UNC5D: variants seen among roughly 807,000 people sequenced by gnomAD.
UNC5D encodes unc-5 netrin receptor D, also known as netrin receptor UNC5D.
Under a neutral mutation model 105.4 loss-of-function variants are expected in UNC5D, and 39 were observed. That is an observed-to-expected ratio of 0.37 (90% CI 0.29 to 0.48). UNC5D has a LOEUF of 0.48. UNC5D is among the 20% of genes least tolerant of loss of function. The pLI is 0.98. For synonymous variants in UNC5D, 452 were observed against 450.4 expected, an observed-to-expected ratio of 1.00 and a Z score of -0.04; for missense variants, 991 against 1,202.4, an observed-to-expected ratio of 0.82 and a Z score of 2.60.
intron 4 of UNC5D, among the ~76,000 whole-genome samples, chr8:35,639,218 G>T (rs367833070): frequency 6.6e-6 from 1 of 152,214 alleles, no homozygotes; most frequent in African/African-American, 2.4e-5. Context: ...AAGAGGGTGG[G>T]TAGCCCTATG....
intron 1 of UNC5D, among the ~76,000 whole-genome samples, chr8:35,266,066 A>G (rs753230247): frequency 6.6e-6 from 1 of 151,972 alleles, no homozygotes; most frequent in Admixed American, 6.6e-5. Context: ...TAACTTTTCA[A>G]TAGTAAAAAT....
chr8:35,665,384 G>A (rs899573280), intron 4 of UNC5D, among the ~76,000 whole-genome samples: 1 of 152,182 alleles, frequency 6.6e-6, no homozygotes, highest in African/African-American at 2.4e-5. Context: ...TCAAGGTTGA[G>A]TGTAAGCCCC....
intron 13 of UNC5D, among the ~76,000 whole-genome samples, chr8:35,756,572 A>G (rs997663727): frequency 1.3e-5 from 2 of 150,824 alleles, no homozygotes; most frequent in African/African-American, 4.9e-5. Context: ...AAAAAAGAAA[A>G]AAAGAAAGTC....
chr8:35,737,521 A>G (rs1829538320), intron 11 of UNC5D, among the ~76,000 whole-genome samples: 1 of 152,142 alleles, frequency 6.6e-6, no homozygotes, highest in African/African-American at 2.4e-5. Flanking sequence ...ATTAATAAAG[A>G]AGGAAAAAAG....
intron 1 of UNC5D, among the ~76,000 whole-genome samples, chr8:35,320,595 A>T (rs1211808666): frequency 1.3e-5 from 2 of 152,150 alleles, no homozygotes; most frequent in Non-Finnish European, 2.9e-5. Context: ...CATTTCCTTC[A>T]GGGCCTGCTG....
chr8:35,630,656 A>G (rs760874443), intron 4 of UNC5D, among the ~76,000 whole-genome samples: 4 of 151,972 alleles, frequency 2.6e-5, no homozygotes, highest in Non-Finnish European at 5.9e-5. Flanking sequence ...GGCCGTACAT[A>G]CCCTCCAATC....
Position 35,722,387 on chromosome 8 carries a change from T to C in UNC5D, c.1295T>C (p.Val432Ala). ...GGFQTFNFKTVRQGNSLLLNS... is the reference protein window; with the variant it reads ...GGFQTFNFKTARQGNSLLLNS... ...TTCCAGACCTTCAACTTCAAAACAG[T>C]CCGTCAAGGTCAGCGGCATAGGTCC... Residue 432 changes from valine (V) to alanine (A), a missense_variant, in exon 9 of 17, where the codon GTC becomes GCC. Transcript: ENST00000404895. 6.2e-7 allele frequency: 1 copy of C among 1,613,610 alleles called. No homozygotes were observed. Among genetic ancestry groups the C allele is most frequent in the Non-Finnish European group, 8.5e-7 (1 of 1,179,874 alleles).
intron 7 of UNC5D, among the ~76,000 whole-genome samples, chr8:35,697,813 A>G (rs926048235): frequency 1.3e-5 from 2 of 152,216 alleles, no homozygotes; most frequent in African/African-American, 2.4e-5. Context: ...TTGGTCTAGC[A>G]TGAGGACTAA....
intron 1 of UNC5D, among the ~76,000 whole-genome samples, chr8:35,470,634 G>A (rs1369840213): frequency 1.3e-5 from 2 of 150,726 alleles, no homozygotes; most frequent in South Asian, 2.1e-4. Context: ...ACCTAGGCAT[G>A]GTGGTACATG....
At chr8:35,319,687 G>T (rs1348612620) in intron 1 of UNC5D, among the ~76,000 whole-genome samples, 1 of 151,998 alleles carries the variant, frequency 6.6e-6, no homozygotes, top group Non-Finnish European at 1.5e-5. Flanking sequence ...TTGGCCATTA[G>T]CTTCTGATGT....
intron 1 of UNC5D, among the ~76,000 whole-genome samples, chr8:35,406,613 G>C (rs1804818549): frequency 6.6e-6 from 1 of 152,132 alleles, no homozygotes; most frequent in African/African-American, 2.4e-5. Context: ...GAGAATCTCG[G>C]ACTGAGTGAA....
At chr8:35,675,710 A>G (rs578072697) in intron 4 of UNC5D, among the ~76,000 whole-genome samples, 4 of 152,144 alleles carry the variant, frequency 2.6e-5, no homozygotes, top group Admixed American at 1.3e-4. Flanking sequence ...GGTCCTGCAT[A>G]TGAGGAAAGC....
At chr8:35,719,625 T>G (rs1389144979) in intron 8 of UNC5D, among the ~76,000 whole-genome samples, 1 of 152,198 alleles carries the variant, frequency 6.6e-6, no homozygotes, top group African/African-American at 2.4e-5. Flanking sequence ...TGACTGAGAA[T>G]AGGAGCCACG....
At chr8:35,392,224 G>C (rs974131744) in intron 1 of UNC5D, among the ~76,000 whole-genome samples, 1 of 151,938 alleles carries the variant, frequency 6.6e-6, no homozygotes, top group Non-Finnish European at 1.5e-5. Context: ...TCCACTTTTC[G>C]TTTGAGTCAG....
chr8:35,372,859 C>T (rs186739534), intron 1 of UNC5D, among the ~76,000 whole-genome samples: 1 of 152,292 alleles, frequency 6.6e-6, no homozygotes, highest in East Asian at 1.9e-4. Context: ...GCCTTGGCCT[C>T]CCAAAGTACT....
At chr8:35,287,545 A>T (rs915035667) in intron 1 of UNC5D, among the ~76,000 whole-genome samples, 1 of 87,886 alleles carries the variant, frequency 1.1e-5, no homozygotes, top group African/African-American at 3.7e-5. Flanking sequence ...CTGAAATCCC[A>T]GTACTTTGGG....
At chr8:35,256,489 G>A (rs1282124900) in intron 1 of UNC5D, 3 of 151,826 alleles carry the variant, frequency 2.0e-5, no homozygotes, top group African/African-American at 4.8e-5. Context: ...CCTGACGGGA[G>A]TTTTATGTGA....
chr8:35,767,130 A>C, intron 15 of UNC5D, 64 bp downstream of exon 15: 1 of 1,507,560 alleles, frequency 6.6e-7, no homozygotes. Context: ...TAATAAAGCT[A>C]TACCTACCAG....
intron 4 of UNC5D, among the ~76,000 whole-genome samples, chr8:35,608,140 C>G (rs1424200279): frequency 6.6e-6 from 1 of 152,102 alleles, no homozygotes; most frequent in Non-Finnish European, 1.5e-5. Flanking sequence ...GCTATTTAGC[C>G]CAGTACACTT....
Sources: gnomAD v4.1 joint callset for allele counts (sites outside exome capture counted in the v4.1 genomes callset) on GRCh38, gnomAD v4.1.1 for gene constraint, MANE v1.5 for transcripts, NCBI Gene and HGNC (gene_info 2026-07-23, HGNC 2026-07-21) for gene names.